KCNK10: variants seen among roughly 807,000 people sequenced by gnomAD.
KCNK10 encodes the protein potassium channel subfamily K member 10.
A neutral mutation model predicts 47.7 loss-of-function variants in KCNK10; 25 were observed. The observed-to-expected ratio is 0.52, with a 90% CI of 0.38 to 0.73. KCNK10 has a LOEUF of 0.73. KCNK10 is among the 30% of genes least tolerant of loss of function. The pLI is 0.00. For missense variants in KCNK10, 563 were observed against 714.5 expected (o/e 0.79, Z 2.42); for synonymous variants, 303 against 285.6 (o/e 1.06, Z -0.61).
chr14:88,206,528 G>A (rs1344327077), intron 4 of KCNK10, among the ~76,000 whole-genome samples: 1 of 152,218 alleles, frequency 6.6e-6, no homozygotes, highest in Non-Finnish European at 1.5e-5. Context: ...TGACTCTAAT[G>A]TAAATAGATT....
intron 1 of KCNK10, among the ~76,000 whole-genome samples, chr14:88,289,805 G>A (rs1269292631): frequency 2.0e-5 from 3 of 152,208 alleles, no homozygotes; most frequent in Non-Finnish European, 4.4e-5. Flanking sequence ...TAGTGCCATG[G>A]TGAGATTTCA....
chr14:88,266,729 G>A (rs549276002), intron 1 of KCNK10, among the ~76,000 whole-genome samples: 2 of 152,252 alleles, frequency 1.3e-5, no homozygotes, highest in African/African-American at 4.8e-5. Context: ...CAGCCTCAGG[G>A]GCTTGCCAGT....
At chr14:88,224,491 T>C (rs1885920766) in intron 4 of KCNK10, among the ~76,000 whole-genome samples, 4 of 152,336 alleles carry the variant, frequency 2.6e-5, no homozygotes, top group East Asian at 3.9e-4. Flanking sequence ...TTCTAAGTAA[T>C]CCAATATCCC....
chr14:88,285,241 AG>A (rs1419704906), intron 1 of KCNK10, among the ~76,000 whole-genome samples: 1 of 152,014 alleles, frequency 6.6e-6, no homozygotes, highest in Non-Finnish European at 1.5e-5. Context: ...CCTCCCAAGT[AG>A]CTGGGATTAC....
intron 3 of KCNK10, among the ~76,000 whole-genome samples, chr14:88,229,855 T>C (rs569802998): frequency 6.6e-6 from 1 of 152,304 alleles, no homozygotes; most frequent in East Asian, 1.9e-4. Context: ...TTTGGGGATC[T>C]AGTTACACCC....
At chr14:88,319,654 T>A (rs1888503722) in intron 1 of KCNK10, among the ~76,000 whole-genome samples, 1 of 152,150 alleles carries the variant, frequency 6.6e-6, no homozygotes, top group African/African-American at 2.4e-5. Flanking sequence ...TTCCTCTCTT[T>A]TATCCTCCTC....
chr14:88,242,399 A>G (rs1366717516), intron 2 of KCNK10, among the ~76,000 whole-genome samples: 1 of 152,124 alleles, frequency 6.6e-6, no homozygotes, highest in Non-Finnish European at 1.5e-5. Context: ...AAATATGCAA[A>G]AACCATTTTC....
chr14:88,268,103 T>C (rs11159850), intron 1 of KCNK10, among the ~76,000 whole-genome samples: 1 of 151,906 alleles, frequency 6.6e-6, no homozygotes, highest in Admixed American at 6.6e-5. Context: ...CTAGACTCTA[T>C]GTAAGTCTGA....
intron 4 of KCNK10, among the ~76,000 whole-genome samples, chr14:88,203,449 G>A (rs1438410146): frequency 1.3e-5 from 2 of 152,178 alleles, no homozygotes; most frequent in African/African-American, 4.8e-5. Context: ...CAGCTGCCTC[G>A]AGGCAGGTCA....
intron 1 of KCNK10, among the ~76,000 whole-genome samples, chr14:88,317,531 G>C (rs185697104): frequency 3.2e-4 from 49 of 152,296 alleles, no homozygotes; most frequent in African/African-American, 1.1e-3. Context: ...CACACTTTTG[G>C]GTAACAAAGA....
At position 88,209,262 on chromosome 14, in the gene KCNK10, G is replaced by A. The variant is rs1595081853; in HGVS notation, c.682-16852C>T. Among the ~76,000 whole-genome samples the A allele has an allele frequency of 2.6e-5, 4 of 152,252 alleles. No homozygotes were observed. In the South Asian group the frequency reaches 8.3e-4, roughly 32 times the overall value. On this transcript the variant is annotated intron_variant, in intron 4 of 6. Coordinates refer to ENST00000319231, the MANE Select transcript of KCNK10 (RefSeq NM_138317.3). ...AAACTGGCCCTTGTTTTCAAGATCTGGTAAGAGCACGGGCAAGCTGAGAGG... is the reference window on the plus strand; with the variant it reads ...AAACTGGCCCTTGTTTTCAAGATCTAGTAAGAGCACGGGCAAGCTGAGAGG...
In KCNK10 at chr14:88,286,913, C is replaced by G. The variant is rs141350766; in HGVS notation, c.53-23362G>C. On this transcript the variant is annotated intron_variant, in intron 1 of 6. Transcript: ENST00000319231. ...CAGCCAAACCTTATCACATGCCCTA[C>G]TCTTCCATCTATTGAGGTGCACCCT... 3.4e-3 allele frequency among the ~76,000 whole-genome samples: 518 copies of G among 152,332 alleles called. 3 individuals are homozygous for G. Among genetic ancestry groups the G allele is most frequent in the African/African-American group, 0.012 (490 of 41,570 alleles).
chr14:88,310,258 C>CATATAAT (rs1341544266), intron 1 of KCNK10, among the ~76,000 whole-genome samples: 1 of 31,962 alleles, frequency 3.1e-5, no homozygotes, highest in African/African-American at 1.9e-4. Context: ...ATGCATTTAT[C>CATATAAT]ATGGTATATC....
chr14:88,224,796 G>A (rs933238493), intron 4 of KCNK10, among the ~76,000 whole-genome samples: 16 of 152,290 alleles, frequency 1.1e-4, no homozygotes, highest in Admixed American at 1.3e-4. Flanking sequence ...TTTTAGTACT[G>A]ACAGGGTTTC....
intron 4 of KCNK10, among the ~76,000 whole-genome samples, chr14:88,192,879 A>G (rs901068611): frequency 2.0e-5 from 3 of 152,202 alleles, no homozygotes; most frequent in African/African-American, 7.2e-5. Context: ...CAAACAGAAT[A>G]TGCTGGAAAA....
upstream of KCNK10, among the ~76,000 whole-genome samples, chr14:88,324,183 A>C (rs1419157150): frequency 6.6e-6 from 1 of 152,172 alleles, no homozygotes; most frequent in Non-Finnish European, 1.5e-5. Context: ...ATGCGAAGGG[A>C]CCCAGACCTG....
chr14:88,304,142 C>T (rs1419897570), intron 1 of KCNK10, among the ~76,000 whole-genome samples: 2 of 151,746 alleles, frequency 1.3e-5, no homozygotes, highest in South Asian at 2.1e-4. Flanking sequence ...ATAGGGAGGC[C>T]GTCTCCACAA....
upstream of KCNK10, chr14:88,323,597 G>T: frequency 6.6e-6 from 1 of 151,404 alleles, no homozygotes; most frequent in South Asian, 2.0e-4. Flanking sequence ...GGCGGTGGCG[G>T]GGAAGCCGCG....
chr14:88,218,137 A>C (rs1885682804), intron 4 of KCNK10, among the ~76,000 whole-genome samples: 1 of 152,050 alleles, frequency 6.6e-6, no homozygotes, highest in Admixed American at 6.6e-5. Context: ...GTGATTACAG[A>C]CGTGGACCAC....
Sources: gnomAD v4.1 joint callset for allele counts (sites outside exome capture counted in the v4.1 genomes callset) on GRCh38, gnomAD v4.1.1 for gene constraint, MANE v1.5 for transcripts, NCBI Gene and HGNC (gene_info 2026-07-23, HGNC 2026-07-21) for gene names.